Variants in FAT3 observed in about 807,000 individuals in gnomAD.
FAT3 encodes the protein protocadherin Fat 3.
In FAT3, 95 loss-of-function variants were observed where a neutral mutation model predicts 310.2. The ratio of observed to expected loss-of-function variants is 0.31; its 90% CI spans 0.26 to 0.36. The LOEUF is 0.36. FAT3 is among the 10% of genes least tolerant of loss of function. The pLI is 1.00. For missense variants in FAT3, 5,408 were observed against 5,715.6 expected (o/e 0.95, Z 1.74); for synonymous variants, 2,314 against 2,192.9 (o/e 1.06, Z -1.54).
intron 2 of FAT3, among the ~76,000 whole-genome samples, chr11:92,376,949 A>G (rs1949365240): frequency 6.6e-6 from 1 of 152,188 alleles, no homozygotes; most frequent in African/African-American, 2.4e-5. Context: ...TGTCATTTTT[A>G]TTGGAAGGTA....
At chr11:92,504,610 T>G (rs1216586393) in intron 2 of FAT3, among the ~76,000 whole-genome samples, 1 of 152,174 alleles carries the variant, frequency 6.6e-6, no homozygotes, top group African/African-American at 2.4e-5. Context: ...CTCCTTTTCC[T>G]TGTTATAATT....
chr11:92,232,696 T>A (rs1482792931), intron 1 of FAT3, among the ~76,000 whole-genome samples: 2 of 146,520 alleles, frequency 1.4e-5, no homozygotes, highest in Admixed American at 7.0e-5. Context: ...GCTTCTCTCA[T>A]TGATGATTAT....
rs763355994 is a variant in FAT3, at chr11:92,352,223, A to G, written c.111A>G (p.Gly37=). 2.9e-6 allele frequency: 4 copies of G among 1,384,440 alleles called. No homozygotes were observed. The African/African-American group carries it at 5.8e-5, about 20-fold the overall frequency. 85.8% of individuals were successfully genotyped at this position (1,384,440 alleles called of 1,614,324 possible). ...ATVSQGLPGT[G]PLGFHFTHSI... ...TCTCCCAGGGGCTGCCAGGGACTGG[A>G]CCCCTGGGCTTCCACTTCACACATT... is the stretch of plus-strand genomic sequence containing the variant. Residue 37 remains glycine, a synonymous_variant, in exon 2 of 28, where the codon GGA becomes GGG. Coordinates refer to ENST00000525166, the MANE Select transcript of FAT3 (RefSeq NM_001367949.2).
At chr11:92,863,938 C>G (rs778976346) in intron 21 of FAT3, among the ~76,000 whole-genome samples, 3 of 152,150 alleles carry the variant, frequency 2.0e-5, no homozygotes, top group Non-Finnish European at 2.9e-5. Flanking sequence ...TTTCAAAGTC[C>G]TAGGATTTTG....
Position 92,353,166 on chromosome 11 carries a change from T to C in FAT3, c.1054T>C (p.Ser352Pro). 6.2e-7 allele frequency: 1 copy of C among 1,613,536 alleles called. No homozygotes were observed. Among genetic ancestry groups the C allele is most frequent in the African/African-American group, 1.3e-5 (1 of 74,974 alleles). ...NLTLQAKDKG[S>P]PQKCSALKAV... ...CACTCTTCAAGCAAAAGACAAGGGA[T>C]CTCCTCAAAAATGTTCAGCATTAAA... The change falls in exon 2 of 28, where the codon TCT (serine) becomes CCT (proline). Residue 352 changes from serine to proline, a missense_variant. Around this residue, in one of 5 missense-constraint regions of FAT3, gnomAD observed 4,588 missense variants for 4,809.8 expected, o/e 0.95. Coordinates refer to ENST00000525166, the MANE Select transcript of FAT3 (RefSeq NM_001367949.2).
chr11:92,315,624 A>C (rs993112213), intron 1 of FAT3, among the ~76,000 whole-genome samples: 6 of 150,334 alleles, frequency 4.0e-5, no homozygotes, highest in East Asian at 2.0e-4. Flanking sequence ...TTTAGGCTCA[A>C]GTGATCCTCC....
intron 4 of FAT3, among the ~76,000 whole-genome samples, chr11:92,755,389 A>T (rs544732082): frequency 6.6e-6 from 1 of 151,760 alleles, no homozygotes; most frequent in South Asian, 2.1e-4. Context: ...TGCCCAGCTA[A>T]TTTTTTGTAT....
chr11:92,236,106 C>A (rs1864407630), intron 1 of FAT3, among the ~76,000 whole-genome samples: 1 of 152,130 alleles, frequency 6.6e-6, no homozygotes, highest in African/African-American at 2.4e-5. Context: ...TTAAATTATT[C>A]ATAAACACCT....
chr11:92,563,303 G>C (rs542939370), intron 3 of FAT3, among the ~76,000 whole-genome samples: 249 of 152,252 alleles, frequency 1.6e-3, no homozygotes, highest in Non-Finnish European at 2.7e-3. Flanking sequence ...AAGAGGGAGG[G>C]ACTGTAAGTA....
chr11:92,385,917 G>C (rs1033142398), intron 2 of FAT3, among the ~76,000 whole-genome samples: 2 of 152,070 alleles, frequency 1.3e-5, no homozygotes, highest in African/African-American at 2.4e-5. Flanking sequence ...AGGCCAAGGT[G>C]GGCGGATCAC....
At chr11:92,795,806 G>C (rs1213392744) in intron 9 of FAT3, among the ~76,000 whole-genome samples, 2 of 152,136 alleles carry the variant, frequency 1.3e-5, no homozygotes, top group Admixed American at 1.3e-4. Context: ...TACTCTGGAG[G>C]CTGAGGCAGG....
intron 3 of FAT3, among the ~76,000 whole-genome samples, chr11:92,633,051 A>G (rs1941615836): frequency 2.0e-5 from 3 of 152,118 alleles, no homozygotes; most frequent in Admixed American, 2.0e-4. Flanking sequence ...TACTGTGTTT[A>G]TTTGATAAGT....
rs192455612 is a variant in FAT3 at position 92,353,646 on chromosome 11, G to C, written c.1534G>C (p.Ala512Pro). Reference sequence around the variant, plus strand: ...AAATGGGTACATCACCTATAGTATCGCTAGCCTGAATTTGTTACCATTTGT... The same window carrying C: ...AAATGGGTACATCACCTATAGTATCCCTAGCCTGAATTTGTTACCATTTGT... The part of the protein sequence containing the change: ...GENGYITYSI[A>P]SLNLLPFVIN... Residue 512 changes from alanine (A) to proline (P), a missense_variant, in exon 2 of 28, where the codon GCT becomes CCT. By Grantham distance (27) the Ala-to-Pro change is conservative (BLOSUM62 -1). Coordinates refer to ENST00000525166, the MANE Select transcript of FAT3 (RefSeq NM_001367949.2). 1 of 1,613,838 alleles carries C rather than the reference G, an allele frequency of 6.2e-7. No homozygotes were observed. The highest frequency in any genetic ancestry group is 8.5e-7 in the Non-Finnish European group (1 of 1,179,846).
intron 3 of FAT3, among the ~76,000 whole-genome samples, chr11:92,626,335 T>G (rs891567882): frequency 2.0e-5 from 3 of 152,234 alleles, no homozygotes; most frequent in African/African-American, 7.2e-5. Flanking sequence ...AATCAGGGGA[T>G]TTAGAGATAA....
chr11:92,687,015 G>A (rs527826534), intron 3 of FAT3, among the ~76,000 whole-genome samples: 1 of 152,208 alleles, frequency 6.6e-6, no homozygotes, highest in African/African-American at 2.4e-5. Flanking sequence ...TTAGTTTCCT[G>A]GTTATTAAAT....
chr11:92,492,235 A>G (rs553276474), intron 2 of FAT3, among the ~76,000 whole-genome samples: 2 of 150,844 alleles, frequency 1.3e-5, no homozygotes. Context: ...TCAACTATAT[A>G]TATATTTCCA....
At chr11:92,572,783 T>C (rs1938249482) in intron 3 of FAT3, among the ~76,000 whole-genome samples, 1 of 152,170 alleles carries the variant, frequency 6.6e-6, no homozygotes, top group South Asian at 2.1e-4. Context: ...TTCCATAATA[T>C]ACACTGAATT....
At chr11:92,485,871 T>C (rs541629524) in intron 2 of FAT3, among the ~76,000 whole-genome samples, 1 of 152,120 alleles carries the variant, frequency 6.6e-6, no homozygotes, top group East Asian at 1.9e-4. Flanking sequence ...ACTGGGTAAT[T>C]TGCAACCTTA....
At chr11:92,320,605 C>T (rs760278192) in intron 1 of FAT3, among the ~76,000 whole-genome samples, 2 of 152,062 alleles carry the variant, frequency 1.3e-5, no homozygotes, top group Non-Finnish European at 2.9e-5. Flanking sequence ...CAGTGGCTCA[C>T]GCCTGTAATC....
Sources: allele counts gnomAD v4.1 joint callset (sites outside exome capture counted in the v4.1 genomes callset), GRCh38; gene constraint gnomAD v4.1.1; regional missense constraint gnomAD v4.1.1; transcripts MANE v1.5; gene names NCBI Gene and HGNC (gene_info 2026-07-23, HGNC 2026-07-21).